The following C12orf42 variants were observed in gnomAD, a reference collection of about 807,000 sequenced individuals.
C12orf42 encodes the protein chromosome 12 open reading frame 42, also known as uncharacterized protein C12orf42.
C12orf42 carries 25 observed loss-of-function variants against 21.6 expected under a neutral mutation model. That is an observed-to-expected ratio of 1.16 (90% CI 0.84 to 1.62). The LOEUF (loss-of-function observed/expected upper bound fraction) is 1.62, where lower values mean the gene tolerates loss of function less well. Ranked by LOEUF, C12orf42 falls within the 40% of genes most tolerant of loss-of-function variation. The probability of loss-of-function intolerance (pLI) is 0.00; values close to 1 mark genes in which losing one functional copy is unlikely to be tolerated. For synonymous variants in C12orf42, 174 were observed against 175.0 expected (o/e 0.99, Z 0.05); for missense variants, 483 against 459.3 (o/e 1.05, Z -0.47).
the C12orf42 span, among the ~76,000 whole-genome samples, chr12:103,149,217 A>G: frequency 6.6e-6 from 1 of 152,188 alleles, no homozygotes; most frequent in Non-Finnish European, 1.5e-5. Context: ...GTTCTCTGTA[A>G]GTAGCATAAC....
At chr12:103,526,590 T>C in the C12orf42 span, among the ~76,000 whole-genome samples, 3 of 152,184 alleles carry the variant, frequency 2.0e-5, no homozygotes, top group Non-Finnish European at 2.9e-5. Flanking sequence ...ATGGACTGAA[T>C]TGTATCTCCC....
chr12:103,295,842 A>C (rs1236256214), intron 4 of C12orf42, among the ~76,000 whole-genome samples: 2 of 152,074 alleles, frequency 1.3e-5, no homozygotes, highest in Non-Finnish European at 2.9e-5. Context: ...AGTAAAAAAA[A>C]CATGTAATCC....
At chr12:103,379,618 G>T (rs932784457) in intron 3 of C12orf42, among the ~76,000 whole-genome samples, 3 of 152,136 alleles carry the variant, frequency 2.0e-5, no homozygotes, top group Non-Finnish European at 4.4e-5. Flanking sequence ...CTTGGACAAA[G>T]GAATCATAAT....
chr12:103,120,940 C>A, the C12orf42 span, among the ~76,000 whole-genome samples: 2 of 151,930 alleles, frequency 1.3e-5, no homozygotes, highest in African/African-American at 4.8e-5. Context: ...ACATCAAAAA[C>A]CTCAGCCAAC....
chr12:103,547,034 TGG>T, the C12orf42 span, among the ~76,000 whole-genome samples: 1 of 152,220 alleles, frequency 6.6e-6, no homozygotes, highest in Non-Finnish European at 1.5e-5. Flanking sequence ...ACCACTTCTT[TGG>T]GTCTTCATTT....
the C12orf42 span, among the ~76,000 whole-genome samples, chr12:103,198,423 C>T: frequency 9.2e-5 from 14 of 152,122 alleles, no homozygotes; most frequent in Non-Finnish European, 1.0e-4. Context: ...ACCAGACTGA[C>T]GCCACTCCAC....
the C12orf42 span, among the ~76,000 whole-genome samples, chr12:103,188,470 C>A: frequency 6.6e-6 from 1 of 152,062 alleles, no homozygotes; most frequent in Non-Finnish European, 1.5e-5. Context: ...ATTGGAACCA[C>A]AGAAGCCATT....
At chr12:103,164,676 T>C in the C12orf42 span, 1 of 452,280 alleles carries the variant, frequency 2.2e-6, no homozygotes. Flanking sequence ...TTGTAAACCT[T>C]TTGTTTTCAT....
the C12orf42 span, among the ~76,000 whole-genome samples, chr12:103,162,233 A>G: frequency 6.6e-6 from 1 of 152,192 alleles, no homozygotes; most frequent in Admixed American, 6.5e-5. Flanking sequence ...TTTTTGGTAC[A>G]TCAGGAGTGA....
chr12:103,144,460 A>C, the C12orf42 span, among the ~76,000 whole-genome samples: 1 of 152,214 alleles, frequency 6.6e-6, no homozygotes, highest in East Asian at 1.9e-4. Context: ...TTTGAAATGC[A>C]TGAGGTAAGT....
intron 4 of C12orf42, among the ~76,000 whole-genome samples, chr12:103,281,911 AAGAAAAAG>A (rs1377228415): frequency 1.6e-5 from 2 of 122,834 alleles, no homozygotes; most frequent in African/African-American, 3.3e-5. Context: ...GAAAAGAAGA[AAGAAAAAG>A]AAAGAAAGAA....
chr12:103,495,366 C>T (rs549136569), intron 1 of C12orf42, among the ~76,000 whole-genome samples: 34 of 152,210 alleles, frequency 2.2e-4, no homozygotes, highest in South Asian at 1.9e-3. Flanking sequence ...CTGCAAAGAG[C>T]AAGGCGGGGC....
chr12:103,427,927 G>A (rs917615269), intron 2 of C12orf42, among the ~76,000 whole-genome samples: 1 of 152,192 alleles, frequency 6.6e-6, no homozygotes, highest in African/African-American at 2.4e-5. Context: ...TGAAGTCAGT[G>A]AGAACAAAGA....
chr12:103,062,782 T>G, the C12orf42 span, among the ~76,000 whole-genome samples: 1 of 152,198 alleles, frequency 6.6e-6, no homozygotes, highest in East Asian at 1.9e-4. Flanking sequence ...GCTTGAAGTC[T>G]ATTAATTTTG....
chr12:103,510,465 C>A, the C12orf42 span, among the ~76,000 whole-genome samples: 6 of 151,986 alleles, frequency 3.9e-5, no homozygotes, highest in African/African-American at 7.3e-5. Flanking sequence ...AAAGAACTTA[C>A]TCATGTAACC....
chr12:103,212,584 A>G, the C12orf42 span, among the ~76,000 whole-genome samples: 1 of 152,156 alleles, frequency 6.6e-6, no homozygotes, highest in South Asian at 2.1e-4. Context: ...GGGTATATCC[A>G]TCAGCAGGCA....
chr12:103,150,453 A>T, the C12orf42 span, among the ~76,000 whole-genome samples: 1 of 152,236 alleles, frequency 6.6e-6, no homozygotes, highest in African/African-American at 2.4e-5. Context: ...TTTTAAAATT[A>T]GCTTTTATTG....
At chr12:103,470,216 A>G (rs1235347335) in intron 2 of C12orf42, among the ~76,000 whole-genome samples, 1 of 152,184 alleles carries the variant, frequency 6.6e-6, no homozygotes, top group African/African-American at 2.4e-5. Context: ...TTTCCTCACT[A>G]ATTTTTCAAT....
At chr12:103,342,774 G>C (rs188679125) in intron 4 of C12orf42, among the ~76,000 whole-genome samples, 1 of 150,784 alleles carries the variant, frequency 6.6e-6, no homozygotes, top group Non-Finnish European at 1.5e-5. Context: ...GAGCAATTAC[G>C]TCAGTTTCTG....
Sources: gnomAD v4.1 joint callset for allele counts (sites outside exome capture counted in the v4.1 genomes callset) on GRCh38, gnomAD v4.1.1 for gene constraint, MANE v1.5 for transcripts, NCBI Gene and HGNC (gene_info 2026-07-23, HGNC 2026-07-21) for gene names.